PCDH15: variants seen among roughly 807,000 people sequenced by gnomAD.
PCDH15 encodes protocadherin-15.
In PCDH15, 129 loss-of-function variants were observed where a neutral mutation model predicts 178.5. The observed-to-expected ratio is 0.72, with a 90% CI of 0.63 to 0.84. The LOEUF is 0.84. Among genes scored for constraint, PCDH15 ranks in the 40% least tolerant of loss-of-function variants. PCDH15 has a pLI of 0.00. For missense variants in PCDH15, 2,230 were observed against 2,099.9 expected (o/e 1.06, Z -1.21); for synonymous variants, 800 against 732.0 (o/e 1.09, Z -1.50).
At position 53,809,491 on chromosome 10, in the gene PCDH15, TC is replaced by T; in HGVS notation, c.4671+1064del. 3 of 1,613,960 alleles carry T rather than the reference TC, an allele frequency of 1.9e-6. No individual in the cohort carries two copies. In the South Asian group the frequency reaches 3.3e-5, roughly 18 times the overall value. On this transcript the variant is annotated intron_variant, in intron 37 of 37. Coordinates refer to ENST00000644397, the MANE Select transcript of PCDH15 (RefSeq NM_001384140.1). ...TTCGATAGTTACAACTACTTCTTCC[TC>T]CTCACTAGGCTCTCTAATTTCAACC...
intron 2 of PCDH15, among the ~76,000 whole-genome samples, chr10:54,940,588 T>G (rs1329364516): frequency 2.6e-5 from 4 of 152,164 alleles, no homozygotes; most frequent in African/African-American, 9.6e-5. Flanking sequence ...TCTATGTCTT[T>G]ATTGATCTTT....
At chr10:54,499,789 T>C (rs2080483219) in intron 3 of PCDH15, among the ~76,000 whole-genome samples, 1 of 151,956 alleles carries the variant, frequency 6.6e-6, no homozygotes, top group Non-Finnish European at 1.5e-5. Flanking sequence ...CAAACCAACC[T>C]GAAAGCTAGC....
intron 2 of PCDH15, among the ~76,000 whole-genome samples, chr10:55,099,491 A>T (rs1007154039): frequency 6.6e-6 from 1 of 152,124 alleles, no homozygotes; most frequent in African/African-American, 2.4e-5. Flanking sequence ...ATCCTTGGTG[A>T]ATTATTGCAG....
At chr10:54,138,247 GGTGT>G (rs145602311) in intron 14 of PCDH15, among the ~76,000 whole-genome samples, 4 of 151,478 alleles carry the variant, frequency 2.6e-5, no homozygotes, top group African/African-American at 9.7e-5. Flanking sequence ...GTAATTGTGA[GGTGT>G]GTGTGTGTGT....
intron 3 of PCDH15, among the ~76,000 whole-genome samples, chr10:54,457,186 T>C (rs548959361): frequency 9.8e-5 from 15 of 152,310 alleles, no homozygotes; most frequent in Non-Finnish European, 2.2e-4. Flanking sequence ...ATTTTGTATA[T>C]GGTACAAAAG....
rs144711439 is a variant in PCDH15 at position 55,284,620 on chromosome 10, C to T, written c.-156+34979G>A. Among the ~76,000 whole-genome samples, 3 of 152,134 alleles carry T rather than the reference C, an allele frequency of 2.0e-5. No individual in the cohort carries two copies. The East Asian group carries it at 5.8e-4, about 29-fold the overall frequency. ...ACCAATAATTGATTTCAGTCAGTCA[C>T]TCAATCTGTATTTACCATAGTAAAA... On this transcript the variant is annotated intron_variant, in intron 1 of 5. Coordinates refer to the PCDH15 transcript ENST00000458638.
chr10:55,113,266 T>C (rs1199826012), intron 2 of PCDH15, among the ~76,000 whole-genome samples: 1 of 152,194 alleles, frequency 6.6e-6, no homozygotes, highest in Non-Finnish European at 1.5e-5. Context: ...TTTATTCATA[T>C]TTTCTTGGTG....
At chr10:55,212,161 T>G (rs1840587822) in intron 1 of PCDH15, among the ~76,000 whole-genome samples, 1 of 152,064 alleles carries the variant, frequency 6.6e-6, no homozygotes, top group East Asian at 1.9e-4. Context: ...AACTGCATAA[T>G]AAAAGATTAG....
At chr10:55,298,569 T>C (rs959959345) in intron 1 of PCDH15, among the ~76,000 whole-genome samples, 3 of 152,126 alleles carry the variant, frequency 2.0e-5, no homozygotes. Flanking sequence ...GAATACCAAC[T>C]GGATAGTGTC....
At chr10:54,705,550 G>A (rs2095357046) in intron 1 of PCDH15, among the ~76,000 whole-genome samples, 2 of 151,894 alleles carry the variant, frequency 1.3e-5, no homozygotes, top group African/African-American at 4.8e-5. Flanking sequence ...TGTACTTCTT[G>A]ATCTATAATC....
intron 8 of PCDH15, among the ~76,000 whole-genome samples, chr10:54,246,306 T>C (rs1218645650): frequency 6.6e-6 from 1 of 151,954 alleles, no homozygotes; most frequent in East Asian, 1.9e-4. Context: ...AAACCACTTA[T>C]TAAATTATCT....
At chr10:55,430,162 G>A (rs113280171) in intron 2 of PCDH15, among the ~76,000 whole-genome samples, 11 of 152,024 alleles carry the variant, frequency 7.2e-5, no homozygotes, top group Admixed American at 3.3e-4. Flanking sequence ...ATGGTGGCAC[G>A]TACCTATAGT....
chr10:54,520,607 C>G (rs1259406858), intron 3 of PCDH15, among the ~76,000 whole-genome samples: 2 of 152,026 alleles, frequency 1.3e-5, no homozygotes, highest in East Asian at 1.9e-4. Context: ...CACTTTTACA[C>G]TGTTGGTGGG....
chr10:54,242,384 G>C (rs2055497126), intron 8 of PCDH15, among the ~76,000 whole-genome samples: 1 of 151,388 alleles, frequency 6.6e-6, no homozygotes, highest in Middle Eastern at 3.4e-3. Context: ...TACATTCACT[G>C]TTTAGCTTAT....
chr10:54,416,879 T>C (rs1954495752), intron 3 of PCDH15, among the ~76,000 whole-genome samples: 3 of 152,224 alleles, frequency 2.0e-5, no homozygotes, highest in Admixed American at 6.5e-5. Context: ...TGATCCCTGA[T>C]GTTGAGCATT....
chr10:55,439,308 T>C (rs565412915), intron 2 of PCDH15, among the ~76,000 whole-genome samples: 3 of 152,280 alleles, frequency 2.0e-5, no homozygotes, highest in East Asian at 3.9e-4. Context: ...AAGAAATCCA[T>C]GATTTCTTTC....
intron 1 of PCDH15, among the ~76,000 whole-genome samples, chr10:55,258,669 AATATTTATATTTC>A (rs1349727286): frequency 6.6e-6 from 1 of 151,974 alleles, no homozygotes; most frequent in Non-Finnish European, 1.5e-5. Context: ...GCTAAGTATA[AATATTTATATTTC>A]ATATAACCAC....
chr10:54,945,113 T>C (rs1004148384), intron 2 of PCDH15, among the ~76,000 whole-genome samples: 1 of 151,906 alleles, frequency 6.6e-6, no homozygotes, highest in African/African-American at 2.4e-5. Context: ...TCAATTTTAT[T>C]GCAGCACCAA....
chr10:53,985,921 C>T (rs1487599695), intron 21 of PCDH15, among the ~76,000 whole-genome samples: 2 of 152,292 alleles, frequency 1.3e-5, no homozygotes, highest in East Asian at 3.9e-4. Context: ...ATATTATTTA[C>T]TATGTAGTAG....
Sources: allele counts gnomAD v4.1 joint callset (sites outside exome capture counted in the v4.1 genomes callset), GRCh38; gene constraint gnomAD v4.1.1; transcripts MANE v1.5; gene names NCBI Gene and HGNC (gene_info 2026-07-23, HGNC 2026-07-21).